The following CDH23 variants were observed in gnomAD, a reference collection of about 807,000 sequenced individuals.
CDH23 encodes cadherin related 23, also known as cadherin-23.
In CDH23, 189 loss-of-function variants were observed where a neutral mutation model predicts 317.1. The observed-to-expected ratio is 0.60, with a 90% CI of 0.53 to 0.67. The LOEUF is 0.67. CDH23 is among the 30% of genes least tolerant of loss of function. The pLI is 0.00. For missense variants in CDH23, 4,401 were observed against 4,592.4 expected (o/e 0.96, Z 1.20); for synonymous variants, 1,839 against 1,876.8 (o/e 0.98, Z 0.52).
At position 71,799,200 on chromosome 10, in the gene CDH23, C is replaced by T. The variant is rs774081467; in HGVS notation, c.7144C>T (p.Arg2382Trp). The change falls in exon 51 of 70, where the codon CGG (arginine) becomes TGG (tryptophan). Residue 2382 changes from arginine (R) to tryptophan (W), a missense_variant. By Grantham distance (101) the Arg-to-Trp change is moderately radical. This residue lies in a region of CDH23 where 189 missense variants were observed against 250.9 expected (regional missense o/e 0.75). Coordinates refer to ENST00000224721, the MANE Select transcript of CDH23 (RefSeq NM_022124.6). ...VRASDNGSPP[R>W]AAEIPVYLEI... ...GGCCTCAGACAACGGGTCCCCGCCCCGGGCAGCTGAGATCCCTGTCTACCT... is the reference window on the plus strand; with the variant it reads ...GGCCTCAGACAACGGGTCCCCGCCCTGGGCAGCTGAGATCCCTGTCTACCT... 7.4e-6 allele frequency: 12 copies of T among 1,613,926 alleles called. No homozygotes were observed. The highest frequency in any genetic ancestry group is 1.7e-5 in the Admixed American group (1 of 60,008).
At chr10:71,601,963 G>C (rs577562752) in intron 9 of CDH23, among the ~76,000 whole-genome samples, 12 of 45,080 alleles carry the variant, frequency 2.7e-4, no homozygotes, top group African/African-American at 5.4e-4. Context: ...GGCGGCGGAG[G>C]GGGGGGGGCT....
chr10:71,753,763 G>T (rs1360122845), intron 38 of CDH23: 1 of 456,396 alleles, frequency 2.2e-6, no homozygotes, highest in African/African-American at 2.0e-5. Context: ...TGATTACGAT[G>T]GGGAAACAGA....
In CDH23 at chr10:71,793,625, G is replaced by A; in HGVS notation, c.6697G>A (p.Val2233Met). 6.3e-7 allele frequency: 1 copy of A among 1,591,588 alleles called. No homozygotes were observed. Among genetic ancestry groups the A allele is most frequent in the Non-Finnish European group, 8.6e-7 (1 of 1,167,594 alleles). Residue 2233 changes from valine to methionine, a missense_variant, in exon 48 of 70, where the codon GTG (valine) becomes ATG (methionine). Around this residue, in one of 3 missense-constraint regions of CDH23, gnomAD observed 3,068 missense variants for 3,203.3 expected, o/e 0.96. Coordinates refer to ENST00000224721, the MANE Select transcript of CDH23 (RefSeq NM_022124.6). ...LVPNQEDAFA[V>M]NINTGSVMVK... ...GCCCAACCAGGAGGACGCCTTTGCTGTGAATATCAACACAGGTACAAGGGC... is the reference window on the plus strand; with the variant it reads ...GCCCAACCAGGAGGACGCCTTTGCTATGAATATCAACACAGGTACAAGGGC...
Position 71,814,975 on chromosome 10 carries a change from G to A in CDH23, c.9762G>A (p.Glu3254=), listed in dbSNP as rs1842082468. 2 of 1,612,140 alleles carry A rather than the reference G, an allele frequency of 1.2e-6. No individual in the cohort carries two copies. The highest frequency in any genetic ancestry group is 1.1e-5 in the South Asian group (1 of 90,994). The change falls in exon 70 of 70, where the codon GAG becomes GAA. Residue 3254 remains glutamate, a synonymous_variant. Transcript: ENST00000224721. ...AGCTGATACAGACTGAGCTGGACGA[G>A]GAGCCAGGAGACCACAGCCCAGGGC... ...ISELIQTELD[E]EPGDHSPGQG...
chr10:71,684,482 G>GGGGTGT (rs1864793142), intron 18 of CDH23, among the ~76,000 whole-genome samples: 2 of 152,202 alleles, frequency 1.3e-5, no homozygotes, highest in Admixed American at 1.3e-4. Context: ...TGTGGAAAGA[G>GGGGTGT]GGGTGTGGCT....
intron 38 of CDH23, among the ~76,000 whole-genome samples, chr10:71,745,510 C>G (rs533030588): frequency 5.3e-5 from 8 of 152,126 alleles, no homozygotes; most frequent in Non-Finnish European, 7.4e-5. Flanking sequence ...TTCTCAAGAC[C>G]CCCCCTCTAC....
chr10:71,511,135 G>T lies in CDH23; in HGVS notation c.352G>T (p.Val118Leu), dbSNP rs1360138778. 1.2e-6 allele frequency: 2 copies of T among 1,613,424 alleles called. No individual in the cohort carries two copies. The highest frequency in any genetic ancestry group is 8.5e-7 in the Non-Finnish European group (1 of 1,179,578). Residue 118 changes from valine to leucine, a missense_variant, in exon 6 of 70, where the codon GTG (valine) becomes TTG (leucine). Physicochemically the swap from Val to Leu is conservative, Grantham distance 32. Coordinates refer to ENST00000224721, the MANE Select transcript of CDH23 (RefSeq NM_022124.6). ...SDHQGVITRK[V>L]NIQVGDVNDN... Reference sequence around the variant, plus strand: ...CTCTTGCCAGGTGATCACACGGAAGGTGAACATCCAGGTTGGGGATGTGAA... The same window carrying T: ...CTCTTGCCAGGTGATCACACGGAAGTTGAACATCCAGGTTGGGGATGTGAA...
At chr10:71,401,287 G>A (rs550163043) in intron 1 of CDH23, among the ~76,000 whole-genome samples, 3 of 152,172 alleles carry the variant, frequency 2.0e-5, no homozygotes, top group African/African-American at 2.4e-5. Context: ...CCTCGCTCAC[G>A]GTCCTTCCTT....
chr10:71,535,251 A>G (rs934395564), intron 6 of CDH23, among the ~76,000 whole-genome samples: 2 of 152,220 alleles, frequency 1.3e-5, no homozygotes, highest in African/African-American at 4.8e-5. Flanking sequence ...TGTGTAAATT[A>G]TAGCCTGTGT....
intron 9 of CDH23, among the ~76,000 whole-genome samples, chr10:71,612,472 A>G (rs1860961768): frequency 1.3e-5 from 2 of 152,220 alleles, no homozygotes; most frequent in Non-Finnish European, 2.9e-5. Context: ...TTTTCAAACC[A>G]AAAATGAAAG....
At chr10:71,766,304 T>C (rs1269158586) in intron 38 of CDH23, among the ~76,000 whole-genome samples, 2 of 152,170 alleles carry the variant, frequency 1.3e-5, no homozygotes, top group East Asian at 1.9e-4. Context: ...GGCCTGAGCA[T>C]GTGCCAGGCG....
intron 3 of CDH23, among the ~76,000 whole-genome samples, chr10:71,473,414 T>A (rs1362248235): frequency 6.6e-6 from 1 of 152,186 alleles, no homozygotes; most frequent in Non-Finnish European, 1.5e-5. Context: ...TCACCTACTG[T>A]GTGCCGGATA....
chr10:71,578,529 G>A (rs1000212351), intron 9 of CDH23, among the ~76,000 whole-genome samples: 1 of 152,150 alleles, frequency 6.6e-6, no homozygotes, highest in Non-Finnish European at 1.5e-5. Flanking sequence ...CCGCCCAGCT[G>A]CCTTGGTTGA....
At chr10:71,801,875 C>A (rs532812868) in intron 53 of CDH23, among the ~76,000 whole-genome samples, 2 of 152,320 alleles carry the variant, frequency 1.3e-5, no homozygotes, top group East Asian at 3.9e-4. Flanking sequence ...ACTCAAGTTC[C>A]ATGAGCTGAG....
chr10:71,712,603 C>T, intron 27 of CDH23, 62 bp from the exon 28 acceptor site: 1 of 1,590,284 alleles, frequency 6.3e-7, no homozygotes, highest in Non-Finnish European at 8.6e-7. Flanking sequence ...TGTGCAAAGT[C>T]ACAGGAAGTG....
At chr10:71,537,349 T>C (rs1376940914) in intron 6 of CDH23, among the ~76,000 whole-genome samples, 3 of 152,218 alleles carry the variant, frequency 2.0e-5, no homozygotes, top group Non-Finnish European at 4.4e-5. Context: ...CCGTCAGGGA[T>C]CTGACACGGT....
chr10:71,810,640 G>C, intron 62 of CDH23, 71 bp downstream of exon 62: 1 of 1,399,584 alleles, frequency 7.1e-7, no homozygotes, highest in Non-Finnish European at 1.0e-6. Flanking sequence ...AGTAGGGGAG[G>C]GGACACACCA....
At chr10:71,727,934 A>G (rs1391612365) in intron 30 of CDH23, among the ~76,000 whole-genome samples, 3 of 152,274 alleles carry the variant, frequency 2.0e-5, no homozygotes, top group African/African-American at 4.8e-5. Flanking sequence ...CTCTGCTGCT[A>G]AAAACAGGCT....
intron 34 of CDH23, among the ~76,000 whole-genome samples, chr10:71,736,943 G>A (rs1839583689): frequency 6.6e-6 from 1 of 152,198 alleles, no homozygotes; most frequent in Non-Finnish European, 1.5e-5. Context: ...ATGCATGAGA[G>A]TTAACCCAGC....
Sources: gnomAD v4.1 joint callset for allele counts (sites outside exome capture counted in the v4.1 genomes callset) on GRCh38, gnomAD v4.1.1 for gene constraint, gnomAD v4.1.1 regional missense constraint, MANE v1.5 for transcripts, NCBI Gene and HGNC (gene_info 2026-07-23, HGNC 2026-07-21) for gene names.